ZNF423: variants seen among roughly 807,000 people sequenced by gnomAD.
ZNF423 encodes the protein Ebf-associated zinc finger protein.
A neutral mutation model predicts 95.8 loss-of-function variants in ZNF423; 12 were observed. The ratio of observed to expected loss-of-function variants is 0.13; its 90% confidence interval spans 0.08 to 0.20. The LOEUF (loss-of-function observed/expected upper bound fraction) is 0.20. ZNF423 is among the 10% of genes least tolerant of loss of function. The probability of loss-of-function intolerance (pLI) is 1.00; values close to 1 mark genes in which losing one functional copy is unlikely to be tolerated. For synonymous variants in ZNF423, 749 were observed against 711.9 expected (o/e 1.05, Z -0.83); for missense variants, 1,316 against 1,737.1 (o/e 0.76, Z 4.31).
intron 3 of ZNF423, among the ~76,000 whole-genome samples, chr16:49,673,200 G>A (rs979719728): frequency 1.3e-5 from 2 of 152,172 alleles, no homozygotes; most frequent in Non-Finnish European, 2.9e-5. Flanking sequence ...ATTTGACAGG[G>A]GCTGAGGCTT....
intron 1 of ZNF423, among the ~76,000 whole-genome samples, chr16:49,791,178 C>G (rs960611494): frequency 2.0e-5 from 3 of 152,220 alleles, no homozygotes; most frequent in Admixed American, 6.5e-5. Context: ...TGAGAGTGGA[C>G]AGGCAGGATC....
chr16:49,657,367 G>A (rs1203349634), intron 3 of ZNF423, among the ~76,000 whole-genome samples: 1 of 152,224 alleles, frequency 6.6e-6, no homozygotes, highest in East Asian at 1.9e-4. Context: ...ACAGTCATGA[G>A]CTTGGTCCAA....
intron 2 of ZNF423, among the ~76,000 whole-genome samples, chr16:49,785,108 ACT>A (rs936920183): frequency 6.6e-6 from 1 of 151,844 alleles, no homozygotes; most frequent in Non-Finnish European, 1.5e-5. Context: ...GCAAGTTATC[ACT>A]CTGTCACCCA....
At chr16:49,786,122 C>G (rs11642294) in intron 2 of ZNF423, among the ~76,000 whole-genome samples, 17,916 of 152,244 alleles carry the variant, frequency 0.12, 1,522 homozygotes, top group Admixed American at 0.24. Context: ...CATGAGTGGG[C>G]CTGCGCACTC....
At chr16:49,685,922 C>G (rs1190065601) in intron 3 of ZNF423, among the ~76,000 whole-genome samples, 3 of 152,206 alleles carry the variant, frequency 2.0e-5, no homozygotes, top group Non-Finnish European at 4.4e-5. Flanking sequence ...CCCAACATGC[C>G]AGCGCCCTCC....
At chr16:49,624,332 C>G (rs1972185373) in intron 5 of ZNF423, among the ~76,000 whole-genome samples, 1 of 152,152 alleles carries the variant, frequency 6.6e-6, no homozygotes, top group East Asian at 1.9e-4. Context: ...GGGCAGATCA[C>G]TTGAGGTCAG....
At chr16:49,633,282 T>C (rs996028765) in intron 4 of ZNF423, among the ~76,000 whole-genome samples, 3 of 152,206 alleles carry the variant, frequency 2.0e-5, no homozygotes, top group South Asian at 4.1e-4. Flanking sequence ...ATTGCCATTG[T>C]AAAAGGGAAA....
intron 5 of ZNF423, among the ~76,000 whole-genome samples, chr16:49,531,123 C>A (rs1968827876): frequency 6.6e-6 from 1 of 152,150 alleles, no homozygotes; most frequent in Admixed American, 6.5e-5. Context: ...GTGGGACAGT[C>A]CAGGCTGCAC....
intron 3 of ZNF423, among the ~76,000 whole-genome samples, chr16:49,643,905 C>G (rs867128111): frequency 6.6e-6 from 1 of 152,150 alleles, no homozygotes; most frequent in African/African-American, 2.4e-5. Context: ...GCAGAAAGAG[C>G]CAGGTGATTC....
chr16:49,800,018 C>T (rs1291793847), intron 1 of ZNF423, among the ~76,000 whole-genome samples: 1 of 152,148 alleles, frequency 6.6e-6, no homozygotes, highest in Non-Finnish European at 1.5e-5. Flanking sequence ...CTTTGGGAAG[C>T]AGATCACTTG....
chr16:49,800,394 C>T (rs994961256), intron 1 of ZNF423, among the ~76,000 whole-genome samples: 8 of 152,166 alleles, frequency 5.3e-5, no homozygotes, highest in Non-Finnish European at 1.0e-4. Flanking sequence ...CCCAGGACAG[C>T]ACACATGTGG....
rs1966940019 is a variant in ZNF423, at chr16:49,491,140, C to T, written c.*135G>A. The T allele has an allele frequency of 3.0e-6, 3 of 987,200 alleles. No individual in the cohort carries two copies. Among genetic ancestry groups the T allele is most frequent in the Admixed American group, 3.5e-5 (2 of 57,034 alleles). The allele number at this position is 987,200 out of a possible 1,614,324, so 61.2% of individuals were successfully genotyped here. A position where few individuals can be genotyped will look rare whatever the true frequency, so the allele number is the denominator to read the frequency against. ...CATTTCCAGCTGCTTATAATAGCAG[C>T]GCCTCATGGCCAAATCATTAGAGTT... On this transcript the variant is annotated 3_prime_UTR_variant, in exon 8 of 8. Coordinates refer to ENST00000563137, the MANE Select transcript of ZNF423 (RefSeq NM_001379286.1).
At chr16:49,694,392 T>C (rs909885544) in intron 3 of ZNF423, among the ~76,000 whole-genome samples, 14 of 152,162 alleles carry the variant, frequency 9.2e-5, no homozygotes, top group African/African-American at 3.1e-4. Flanking sequence ...GAGGGTTCCA[T>C]TAAATCCCCC....
Position 49,564,420 on chromosome 16 carries a change from A to C in ZNF423, c.3602-38926T>G, listed in dbSNP as rs75461481. Among the ~76,000 whole-genome samples the C allele has an allele frequency of 9.2e-3, 1,394 of 152,212 alleles. 24 individuals are homozygous for C. Among genetic ancestry groups the C allele is most frequent in the African/African-American group, 0.032 (1,341 of 41,524 alleles). On this transcript the variant is annotated intron_variant, in intron 5 of 7. Transcript: ENST00000563137. ...GTAGCATCTGTGACAATGGGAAGGA[A>C]CCCCTTCTGTGGCCTTGAGTCAGAC...
intron 5 of ZNF423, among the ~76,000 whole-genome samples, chr16:49,622,282 C>T (rs141053984): frequency 6.6e-6 from 1 of 152,118 alleles, no homozygotes; most frequent in African/African-American, 2.4e-5. Flanking sequence ...CCCTGGCCTA[C>T]GGGGTGAAGG....
rs570321638 is a variant in ZNF423, at chr16:49,789,635, G to A, written c.41-89C>T. 5 of 1,310,574 alleles carry A rather than the reference G, an allele frequency of 3.8e-6. No individual in the cohort carries two copies. In the South Asian group the frequency reaches 7.2e-5, roughly 19 times the overall value. The allele number at this position is 1,310,574 out of a possible 1,614,324, so 81.2% of individuals were successfully genotyped here. ...ACAGGGCGAGGAAGAAGGAACATTT[G>A]TGGGGGTCCTTATTATAATACCCAT... is the stretch of plus-strand genomic sequence containing the variant. On this transcript the variant is annotated intron_variant, in intron 1 of 7. Transcript: ENST00000563137.
chr16:49,855,549 C>T lies in ZNF423; in HGVS notation c.40+186G>A, dbSNP rs1171296445. ...CCGCCGCCGCCGCCTCCGCCTCCTG[C>T]TCCCGGCTTCCTCCTCCCCCTCCTC... On this transcript the variant is annotated intron_variant, in intron 1 of 7. Transcript: ENST00000563137. The surrounding 1 kb of genome is among the most constrained non-coding windows in gnomAD (Gnocchi z 4.7). 1.7e-4 allele frequency among the ~76,000 whole-genome samples: 25 copies of T among 150,212 alleles called. No individual in the cohort carries two copies. The highest frequency in any genetic ancestry group is 5.4e-4 in the African/African-American group (22 of 41,012).
intron 3 of ZNF423, among the ~76,000 whole-genome samples, chr16:49,656,670 CT>C (rs1392199906): frequency 1.9e-4 from 29 of 152,246 alleles, no homozygotes; most frequent in African/African-American, 7.0e-4. Flanking sequence ...ATAGATTATA[CT>C]TTGTATTCTA....
chr16:49,709,168 T>TTTTATATATATATA (rs68002485), intron 3 of ZNF423, among the ~76,000 whole-genome samples: 8 of 93,416 alleles, frequency 8.6e-5, no homozygotes, highest in African/African-American at 3.4e-4. Context: ...CAGCAGCCGT[T>TTTTATATATATATA]TATATATATA....
Sources: gnomAD v4.1 joint callset for allele counts (sites outside exome capture counted in the v4.1 genomes callset) on GRCh38, gnomAD v4.1.1 for gene constraint, Gnocchi (gnomAD v3.1) non-coding constraint, MANE v1.5 for transcripts, NCBI Gene and HGNC (gene_info 2026-07-23, HGNC 2026-07-21) for gene names.